DCC: variants seen among roughly 807,000 people sequenced by gnomAD.
The protein encoded by DCC is netrin receptor DCC.
A neutral mutation model predicts 172.5 loss-of-function variants in DCC; 58 were observed. That is an observed-to-expected ratio of 0.34 (90% CI 0.27 to 0.42). DCC has a LOEUF of 0.42. Ranked by LOEUF, DCC falls within the 10% of genes least tolerant of loss-of-function variation. The pLI, the probability that DCC is intolerant of heterozygous loss-of-function variation, is 1.00. For synonymous variants in DCC, 709 were observed against 644.5 expected (o/e 1.10, Z -1.52); for missense variants, 1,740 against 1,791.0 (o/e 0.97, Z 0.51).
At chr18:53,292,115 C>CA (rs1568035039) in intron 12 of DCC, among the ~76,000 whole-genome samples, 2 of 16,276 alleles carry the variant, frequency 1.2e-4, no homozygotes, top group African/African-American at 1.7e-4. Context: ...TGAGCTCCAC[C>CA]CCCCCCCCCT....
chr18:53,511,985 G>C (rs1431505636), intron 27 of DCC, among the ~76,000 whole-genome samples: 4 of 152,172 alleles, frequency 2.6e-5, no homozygotes, highest in Admixed American at 2.6e-4. Flanking sequence ...AAGCCTGCCT[G>C]CCTCTGTAGG....
intron 5 of DCC, among the ~76,000 whole-genome samples, chr18:53,026,207 T>G (rs2041953539): frequency 6.6e-6 from 1 of 152,148 alleles, no homozygotes. Context: ...TAATGTGTAC[T>G]TATTAAACTT....
chr18:53,082,343 G>T (rs1467059517), intron 7 of DCC, among the ~76,000 whole-genome samples: 1 of 151,912 alleles, frequency 6.6e-6, no homozygotes, highest in African/African-American at 2.4e-5. Context: ...TTTTCCTGGG[G>T]ATTAAAACTT....
chr18:53,340,047 TACACACAC>T (rs151131015), intron 15 of DCC, 140 bp downstream of exon 15: 21 of 592,250 alleles, frequency 3.5e-5, no homozygotes, highest in African/African-American at 2.9e-4. Flanking sequence ...ACTGTCTATC[TACACACAC>T]ACACACACAC....
chr18:53,125,179 A>C (rs2043537619), intron 7 of DCC, among the ~76,000 whole-genome samples: 1 of 152,054 alleles, frequency 6.6e-6, no homozygotes, highest in African/African-American at 2.4e-5. Context: ...GGCACATAAT[A>C]ATTTGCTGAT....
At chr18:52,769,597 A>G (rs1233792297) in intron 2 of DCC, among the ~76,000 whole-genome samples, 1 of 152,142 alleles carries the variant, frequency 6.6e-6, no homozygotes, top group African/African-American at 2.4e-5. Context: ...TCTATCAATT[A>G]TTTCTTTCAA....
intron 5 of DCC, among the ~76,000 whole-genome samples, chr18:52,988,342 C>T (rs769580142): frequency 3.9e-5 from 6 of 151,986 alleles, no homozygotes; most frequent in African/African-American, 1.2e-4. Context: ...GTACTGCAGA[C>T]CTTTCTATTT....
chr18:52,854,209 T>G (rs1431082317), intron 2 of DCC, among the ~76,000 whole-genome samples: 2 of 152,234 alleles, frequency 1.3e-5, no homozygotes, highest in Non-Finnish European at 1.5e-5. Context: ...TGACTTCTTT[T>G]GATTCTATTT....
chr18:53,081,119 C>A (rs1364537333), intron 7 of DCC, among the ~76,000 whole-genome samples: 1 of 151,902 alleles, frequency 6.6e-6, no homozygotes, highest in African/African-American at 2.4e-5. Flanking sequence ...TTTTTCCCCC[C>A]CTCCCCTCTT....
intron 9 of DCC, among the ~76,000 whole-genome samples, chr18:53,179,642 T>A (rs867709344): frequency 3.0e-4 from 45 of 152,186 alleles, no homozygotes; most frequent in African/African-American, 1.1e-3. Context: ...CTACCTTGAA[T>A]CACTAGATTC....
chr18:52,809,640 T>G (rs1022974894), intron 2 of DCC, among the ~76,000 whole-genome samples: 1 of 151,962 alleles, frequency 6.6e-6, no homozygotes, highest in African/African-American at 2.4e-5. Context: ...CAGCAGTGGG[T>G]CTGTGATGGC....
chr18:52,651,421 G>A (rs1311681945), intron 1 of DCC, among the ~76,000 whole-genome samples: 4 of 151,554 alleles, frequency 2.6e-5, no homozygotes, highest in African/African-American at 4.8e-5. Context: ...GGGCTCAAGC[G>A]ATCCTCCTGC....
intron 2 of DCC, among the ~76,000 whole-genome samples, chr18:52,827,660 C>T (rs2038536270): frequency 6.6e-6 from 1 of 152,168 alleles, no homozygotes; most frequent in African/African-American, 2.4e-5. Flanking sequence ...ATTCCTAATC[C>T]ACACAATAGC....
chr18:53,158,926 G>A (rs1217258347), intron 8 of DCC, among the ~76,000 whole-genome samples: 1 of 143,482 alleles, frequency 7.0e-6, no homozygotes, highest in Non-Finnish European at 1.5e-5. Flanking sequence ...ACGGGAAGCG[G>A]AGGTTGAAGT....
At chr18:52,795,832 T>C (rs1039015201) in intron 2 of DCC, among the ~76,000 whole-genome samples, 1 of 152,008 alleles carries the variant, frequency 6.6e-6, no homozygotes, top group Non-Finnish European at 1.5e-5. Flanking sequence ...TTCCTTAATT[T>C]CTTCATTGAT....
chr18:53,113,339 T>A (rs978139711), intron 7 of DCC, among the ~76,000 whole-genome samples: 2 of 151,464 alleles, frequency 1.3e-5, no homozygotes, highest in Admixed American at 6.6e-5. Context: ...TCGATTTCAA[T>A]ACAGTGAGAG....
intron 2 of DCC, among the ~76,000 whole-genome samples, chr18:52,777,072 A>T (rs1004275815): frequency 6.6e-6 from 1 of 152,154 alleles, no homozygotes; most frequent in Non-Finnish European, 1.5e-5. Flanking sequence ...TTTACTTTTT[A>T]AAAAATTACC....
intron 5 of DCC, among the ~76,000 whole-genome samples, chr18:52,950,432 G>A (rs2040619680): frequency 6.6e-6 from 1 of 152,124 alleles, no homozygotes. Flanking sequence ...TCAGCACTCT[G>A]ACAATAGAAT....
At chr18:53,091,058 A>G (rs142422563) in intron 7 of DCC, among the ~76,000 whole-genome samples, 1 of 152,150 alleles carries the variant, frequency 6.6e-6, no homozygotes, top group Non-Finnish European at 1.5e-5. Context: ...TCGATTTCCC[A>G]AGGAAATCAA....
Sources: allele counts gnomAD v4.1 joint callset (sites outside exome capture counted in the v4.1 genomes callset), GRCh38; gene constraint gnomAD v4.1.1; transcripts MANE v1.5; gene names NCBI Gene and HGNC (gene_info 2026-07-23, HGNC 2026-07-21).